The following MDFIC2 variants were observed in gnomAD, a reference collection of about 807,000 sequenced individuals.
The protein encoded by MDFIC2 is myoD family inhibitor domain-containing protein 2.
intron 2 of MDFIC2, among the ~76,000 whole-genome samples, chr3:70,213,189 A>T (rs562043449): frequency 6.6e-6 from 1 of 151,938 alleles, no homozygotes; most frequent in East Asian, 2.0e-4. Context: ...CCCAGGCTGG[A>T]CTAGAGCTCC....
chr3:70,311,951 T>A lies in MDFIC2; in HGVS notation c.23A>T (p.Lys8Met). 2.5e-6 allele frequency: 1 copy of A among 397,826 alleles called. No individual in the cohort carries two copies. Among genetic ancestry groups the A allele is most frequent in the East Asian group, 3.6e-5 (1 of 27,934 alleles). 24.6% of individuals were successfully genotyped at this position (397,826 alleles called of 1,614,324 possible). ...ATGCTCAGCTGTTCTTACTTTTATC[T>A]TTTCCAGCTCAGTTTCTGACATCTA... MSETELEKIKVRTAEHLE... is the reference protein window; with the variant it reads MSETELEMIKVRTAEHLE... Residue 8 changes from lysine to methionine, a missense_variant, in exon 2 of 4, where the codon AAG (lysine) becomes ATG (methionine). Physicochemically the swap from Lys to Met is moderately conservative, Grantham distance 95. Transcript: ENST00000567252.
intron 2 of MDFIC2, among the ~76,000 whole-genome samples, chr3:70,303,081 G>T (rs1293338174): frequency 1.3e-5 from 2 of 152,136 alleles, no homozygotes; most frequent in South Asian, 2.1e-4. Context: ...TTTAAAGTAA[G>T]TATTCTCCTT....
intron 2 of MDFIC2, among the ~76,000 whole-genome samples, chr3:70,236,102 C>T (rs1238047243): frequency 6.6e-6 from 1 of 152,174 alleles, no homozygotes; most frequent in Non-Finnish European, 1.5e-5. Flanking sequence ...CACTCTTTCC[C>T]TTGCTAACCT....
At chr3:70,295,908 T>C in intron 2 of MDFIC2, among the ~76,000 whole-genome samples, 1 of 152,182 alleles carries the variant, frequency 6.6e-6, no homozygotes, top group Non-Finnish European at 1.5e-5. Context: ...CCATACTTGC[T>C]CATTATATTC....
intron 2 of MDFIC2, among the ~76,000 whole-genome samples, chr3:70,207,632 G>T (rs755747392): frequency 2.2e-4 from 32 of 145,040 alleles, no homozygotes; most frequent in African/African-American, 8.8e-4. Context: ...TTCAGAAAAA[G>T]CTCCCCAAAT....
intron 2 of MDFIC2, among the ~76,000 whole-genome samples, chr3:70,265,028 C>T (rs1253817518): frequency 1.3e-5 from 2 of 152,164 alleles, no homozygotes; most frequent in African/African-American, 4.8e-5. Context: ...CTTTATAAAA[C>T]CATCAGATAT....
intron 2 of MDFIC2, among the ~76,000 whole-genome samples, chr3:70,260,541 T>C (rs1701856270): frequency 6.6e-6 from 1 of 152,052 alleles, no homozygotes; most frequent in Non-Finnish European, 1.5e-5. Flanking sequence ...GGAGTCCCTA[T>C]CATGAGACCA....
At chr3:70,303,360 G>C (rs954856971) in intron 2 of MDFIC2, among the ~76,000 whole-genome samples, 3 of 152,066 alleles carry the variant, frequency 2.0e-5, no homozygotes, top group Non-Finnish European at 4.4e-5. Flanking sequence ...CAAAGTTATT[G>C]AGCTTTCTTC....
rs192223555 is a variant in MDFIC2, at chr3:70,262,063, C to T, written c.88+49823G>A. On this transcript the variant is annotated intron_variant, in intron 2 of 3. Coordinates refer to ENST00000567252, the MANE Select transcript of MDFIC2 (RefSeq NM_001364677.1). ...CCATTCCTCATGTGTCCTTGCTGGT[C>T]AATCTCACGATAAAGCCTTTTCTTT... is the stretch of plus-strand genomic sequence containing the variant. Among the ~76,000 whole-genome samples, 45 of 152,244 alleles carry T rather than the reference C, an allele frequency of 3.0e-4. 1 individual carries two copies. Among genetic ancestry groups the T allele is most frequent in the Admixed American group, 1.4e-3 (21 of 15,284 alleles).
Position 70,286,300 on chromosome 3 carries a change from G to A in MDFIC2, c.88+25586C>T, listed in dbSNP as rs529103264. Among the ~76,000 whole-genome samples, 588 of 152,008 alleles carry A rather than the reference G, an allele frequency of 3.9e-3. 6 individuals are homozygous for A. The highest frequency in any genetic ancestry group is 0.011 in the African/African-American group (441 of 41,490). On this transcript the variant is annotated intron_variant, in intron 2 of 3. Coordinates refer to ENST00000567252, the MANE Select transcript of MDFIC2 (RefSeq NM_001364677.1). The stretch of plus-strand genomic sequence containing the variant: ...ATGGCTAGCCAGTTTTCCCAGCACC[G>A]TTTATTAAATAGGGAATCCTTTCCC...
chr3:70,245,194 C>T (rs567271539), intron 2 of MDFIC2, among the ~76,000 whole-genome samples: 4 of 151,866 alleles, frequency 2.6e-5, no homozygotes, highest in Admixed American at 1.3e-4. Flanking sequence ...TTTCTCTTGG[C>T]GTTAAGTCTG....
intron 2 of MDFIC2, among the ~76,000 whole-genome samples, chr3:70,296,419 A>G (rs1337156227): frequency 6.6e-6 from 1 of 152,182 alleles, no homozygotes; most frequent in African/African-American, 2.4e-5. Flanking sequence ...TTAGATAACC[A>G]AAATTCAAGA....
chr3:70,281,890 A>G (rs1444205325), intron 2 of MDFIC2, among the ~76,000 whole-genome samples: 1 of 152,194 alleles, frequency 6.6e-6, no homozygotes, highest in African/African-American at 2.4e-5. Flanking sequence ...GGTGAGGCCC[A>G]TGAAATCTTC....
chr3:70,241,202 T>C (rs1338333827), intron 2 of MDFIC2, among the ~76,000 whole-genome samples: 1 of 152,154 alleles, frequency 6.6e-6, no homozygotes, highest in African/African-American at 2.4e-5. Flanking sequence ...CGGTTCCTCA[T>C]AAATATTGTC....
intron 2 of MDFIC2, among the ~76,000 whole-genome samples, chr3:70,253,958 T>C (rs1374364964): frequency 3.9e-5 from 6 of 152,184 alleles, no homozygotes; most frequent in Non-Finnish European, 8.8e-5. Flanking sequence ...CCTAGTATGC[T>C]CTGTGGCATA....
At chr3:70,295,356 T>C (rs765847549) in intron 2 of MDFIC2, among the ~76,000 whole-genome samples, 24 of 152,188 alleles carry the variant, frequency 1.6e-4, no homozygotes, top group Non-Finnish European at 2.4e-4. Context: ...AATATAGGTA[T>C]GTGTGATTCC....
chr3:70,199,007 G>T (rs768031569), intron 3 of MDFIC2, among the ~76,000 whole-genome samples: 64 of 152,208 alleles, frequency 4.2e-4, no homozygotes, highest in Non-Finnish European at 7.8e-4. Flanking sequence ...TACTATAGCA[G>T]TGGCTGCACT....
chr3:70,284,551 G>A (rs978788037), intron 2 of MDFIC2, among the ~76,000 whole-genome samples: 5 of 152,084 alleles, frequency 3.3e-5, no homozygotes, highest in East Asian at 1.9e-4. Context: ...TATACACCAC[G>A]GAATACTATG....
intron 2 of MDFIC2, among the ~76,000 whole-genome samples, chr3:70,285,148 C>T (rs1702130608): frequency 6.6e-6 from 1 of 151,098 alleles, no homozygotes; most frequent in South Asian, 2.1e-4. Context: ...TGCTGGTGCA[C>T]TGCACCCACT....
Sources: allele counts gnomAD v4.1 joint callset (sites outside exome capture counted in the v4.1 genomes callset), GRCh38; gene constraint gnomAD v4.1.1; transcripts MANE v1.5; gene names NCBI Gene and HGNC (gene_info 2026-07-23, HGNC 2026-07-21).